The following MYOM1 variants were observed in gnomAD, a reference collection of about 807,000 sequenced individuals.
MYOM1 encodes the protein myomesin-1.
MYOM1 carries 164 observed loss-of-function variants against 205.3 expected under a neutral mutation model. The observed-to-expected ratio is 0.80, with a 90% CI of 0.70 to 0.91. The LOEUF (loss-of-function observed/expected upper bound fraction) is 0.91, where lower values mean the gene tolerates loss of function less well. Ranked by LOEUF, MYOM1 falls within the 40% of genes least tolerant of loss-of-function variation. The pLI is 0.00. For synonymous variants in MYOM1, 772 were observed against 789.4 expected, an observed-to-expected ratio of 0.98 and a Z score of 0.37; for missense variants, 2,011 against 2,127.3, an observed-to-expected ratio of 0.95 and a Z score of 1.08.
chr18:3,187,656 A>C lies in MYOM1; in HGVS notation c.772-19T>G. The C allele has an allele frequency of 6.4e-7, 1 of 1,566,496 alleles. No individual in the cohort carries two copies. The highest frequency in any genetic ancestry group is 1.2e-5 in the South Asian group (1 of 86,128). On this transcript the variant is annotated intron_variant, in intron 4 of 37. Coordinates refer to ENST00000356443, the MANE Select transcript of MYOM1 (RefSeq NM_003803.4). ...CTTCTAACTGAAAAAACAAATATGC[A>C]AACAAACATATTACCAAAATACCAA...
intron 4 of MYOM1, 91 bp downstream of exon 4, chr18:3,188,657 A>C (rs566610872): frequency 3.9e-6 from 5 of 1,266,152 alleles, no homozygotes; most frequent in Non-Finnish European, 4.2e-6. Flanking sequence ...AAACAAATCA[A>C]TCTATATCTA....
In MYOM1 at chr18:3,168,902, C is replaced by T; in HGVS notation, c.1254G>A (p.Glu418=). The T allele has an allele frequency of 6.2e-7, 1 of 1,613,826 alleles. No homozygotes were observed. The part of the protein sequence containing the change: ...DDKFDVSFGR[E]GETMSLGCRV... ...GACAGCCTAGACTCATTGTCTCTCC[C>T]TCTCTCCCAAAAGACACATCAAATT... is the stretch of plus-strand genomic sequence containing the variant. The change falls in exon 9 of 38, where the codon GAG becomes GAA. Residue 418 remains glutamate, a synonymous_variant. Transcript: ENST00000356443.
At chr18:3,117,980 G>A (rs78415966) in intron 20 of MYOM1, among the ~76,000 whole-genome samples, 2,330 of 152,254 alleles carry the variant, frequency 0.015, 44 homozygotes, top group South Asian at 0.076. Flanking sequence ...AGAACCCAGG[G>A]AGGCATCTAG....
rs1357566100 is a variant in MYOM1 at position 3,120,032 on chromosome 18, C to T, written c.2992-37G>A. 3.3e-6 allele frequency: 5 copies of T among 1,530,724 alleles called. No homozygotes were observed. In the African/African-American group the frequency reaches 5.6e-5, roughly 17 times the overall value. 94.8% of individuals were successfully genotyped at this position (1,530,724 alleles called of 1,614,324 possible). A position where few individuals can be genotyped will look rare whatever the true frequency, so the allele number is the denominator to read the frequency against. ...ACAACATCACAGATACTGAATGTTC[C>T]AGGTTTGTTTTTTTTTTTCTACTTG... On this transcript the variant is annotated intron_variant, in intron 19 of 37. Transcript: ENST00000356443.
At chr18:3,118,828 C>T (rs2070891507) in intron 20 of MYOM1, among the ~76,000 whole-genome samples, 1 of 152,144 alleles carries the variant, frequency 6.6e-6, no homozygotes, top group Non-Finnish European at 1.5e-5. Context: ...ATGTGTTTGT[C>T]TCTCTCTATT....
At chr18:3,071,932 G>A in intron 36 of MYOM1, 43 bp from the exon 37 acceptor site, 1 of 1,564,092 alleles carries the variant, frequency 6.4e-7, no homozygotes, top group Non-Finnish European at 8.7e-7. Context: ...CAGTGGCAAG[G>A]CCAGCGGTCA....
chr18:3,094,053 A>G, intron 26 of MYOM1, 117 bp downstream of exon 26: 3 of 1,006,420 alleles, frequency 3.0e-6, no homozygotes, highest in Non-Finnish European at 4.3e-6. Flanking sequence ...AGAAGGATTT[A>G]AACTCTCCCA....
Position 3,215,163 on chromosome 18 carries a change from C to G in MYOM1, c.61G>C (p.Asp21His). 6.2e-7 allele frequency: 1 copy of G among 1,613,612 alleles called. No homozygotes were observed. Among genetic ancestry groups the G allele is most frequent in the South Asian group, 1.1e-5 (1 of 90,940 alleles). ...QHYDLSYRNK[D>H]VRSTVSHYQR... ...TAGTGACTCACGGTGCTGCGCACGT[C>G]CTTGTTGCGGTAGCTGAGATCATAG... is the stretch of plus-strand genomic sequence containing the variant. The change falls in exon 2 of 38, where the codon GAC (aspartate) becomes CAC (histidine). Residue 21 changes from aspartate to histidine, a missense_variant. Physicochemically the swap from Asp to His is moderately conservative, Grantham distance 81. Coordinates refer to ENST00000356443, the MANE Select transcript of MYOM1 (RefSeq NM_003803.4).
chr18:3,085,935 A>G (rs1019189809), intron 30 of MYOM1, 103 bp downstream of exon 30: 4 of 688,818 alleles, frequency 5.8e-6, no homozygotes, highest in Non-Finnish European at 9.7e-6. Context: ...AAGCTAATAT[A>G]AATCCCCTGG....
chr18:3,102,738 T>C, intron 22 of MYOM1, 108 bp from the exon 23 acceptor site: 5 of 1,164,812 alleles, frequency 4.3e-6, no homozygotes, highest in Non-Finnish European at 4.8e-6. Flanking sequence ...GCCCTGATCC[T>C]AGGTCAGGGA....
chr18:3,137,138 G>GA (rs770480681), intron 14 of MYOM1, among the ~76,000 whole-genome samples: 376 of 151,954 alleles, frequency 2.5e-3, no homozygotes, highest in Non-Finnish European at 4.6e-3. Context: ...TTTTAGTAGA[G>GA]GGGGGTTTCA....
At chr18:3,229,118 C>T in the MYOM1 span, among the ~76,000 whole-genome samples, 1 of 152,190 alleles carries the variant, frequency 6.6e-6, no homozygotes, top group Non-Finnish European at 1.5e-5. Context: ...TAGTTTCAAC[C>T]CAGCTCTTTT....
intron 8 of MYOM1, among the ~76,000 whole-genome samples, chr18:3,171,178 T>A (rs2080551413): frequency 6.6e-6 from 1 of 152,258 alleles, no homozygotes; most frequent in South Asian, 2.1e-4. Context: ...CAATACATTG[T>A]ACTGTCTTGA....
At chr18:3,169,336 G>A (rs113416269) in intron 8 of MYOM1, among the ~76,000 whole-genome samples, 1,569 of 152,268 alleles carry the variant, frequency 0.01, 26 homozygotes, top group African/African-American at 0.036. Flanking sequence ...TAGATGTTGA[G>A]TTAAACTCTA....
At chr18:3,213,645 A>T (rs1409559584) in intron 2 of MYOM1, among the ~76,000 whole-genome samples, 1 of 152,238 alleles carries the variant, frequency 6.6e-6, no homozygotes, top group East Asian at 1.9e-4. Flanking sequence ...GCTGTTGTAA[A>T]GTGTCATGGT....
rs763108558 is a variant in MYOM1 at position 3,089,217 on chromosome 18, C to T, written c.4094G>A (p.Ser1365Asn). The T allele has an allele frequency of 6.2e-7, 1 of 1,611,804 alleles. No individual in the cohort carries two copies. The highest frequency in any genetic ancestry group is 8.5e-7 in the Non-Finnish European group (1 of 1,178,492). Reference protein sequence around the residue: ...KQGPHFVEYLSWEVTGECNVL... With the variant: ...KQGPHFVEYLNWEVTGECNVL... ...ATTACATTCACCAGTCACTTCCCAG[C>T]TCAAATACTCAACAAAGTGAGGACC... Residue 1365 changes from serine to asparagine, a missense_variant, in exon 29 of 38, where the codon AGC becomes AAC. Ser to Asn is a conservative substitution (Grantham distance 46, BLOSUM62 1). Coordinates refer to ENST00000356443, the MANE Select transcript of MYOM1 (RefSeq NM_003803.4).
chr18:3,160,675 T>C lies in MYOM1; in HGVS notation c.1501+3603A>G, dbSNP rs148999883. ...AAGTGAAATCTTTTTCTAAAGATTG[T>C]AAAATTCACAATGCAATTGCTGAAA... On this transcript the variant is annotated intron_variant, in intron 10 of 37. Coordinates refer to ENST00000356443, the MANE Select transcript of MYOM1 (RefSeq NM_003803.4). 3.3e-3 allele frequency among the ~76,000 whole-genome samples: 506 copies of C among 152,372 alleles called. 3 individuals are homozygous for C. Among genetic ancestry groups the C allele is most frequent in the African/African-American group, 0.011 (473 of 41,590 alleles).
intron 25 of MYOM1, among the ~76,000 whole-genome samples, chr18:3,096,724 C>T (rs2079310139): frequency 6.6e-6 from 1 of 152,078 alleles, no homozygotes; most frequent in East Asian, 1.9e-4. Flanking sequence ...TGCATGTATA[C>T]AAGAGGGGTA....
chr18:3,129,456 G>C lies in MYOM1; in HGVS notation c.2570C>G (p.Ser857Cys). 1 of 1,613,950 alleles carries C rather than the reference G, an allele frequency of 6.2e-7. No individual in the cohort carries two copies. The highest frequency in any genetic ancestry group is 8.5e-7 in the Non-Finnish European group (1 of 1,179,856). Residue 857 changes from serine (S) to cysteine (C), a missense_variant, in exon 18 of 38, where the codon TCC (serine) becomes TGC (cysteine). Transcript: ENST00000356443. ...LSDEPGGLTA[S>C]RGRVHEASPP... ...GGAGGCTTCATGCACGCGCCCCCTG[G>C]AGGCGGTTAGTCCACCAGGCTCATC... is the stretch of plus-strand genomic sequence containing the variant.
Sources: allele counts gnomAD v4.1 joint callset (sites outside exome capture counted in the v4.1 genomes callset), GRCh38; gene constraint gnomAD v4.1.1; transcripts MANE v1.5; gene names NCBI Gene and HGNC (gene_info 2026-07-23, HGNC 2026-07-21).